ZFYVE1: variants seen among roughly 807,000 people sequenced by gnomAD.
The protein encoded by ZFYVE1 is zinc finger FYVE domain-containing protein 1.
In ZFYVE1, 30 loss-of-function variants were observed where a neutral mutation model predicts 74.4. That is an observed-to-expected ratio of 0.40 (90% CI 0.30 to 0.55). The LOEUF is 0.55. Among genes scored for constraint, ZFYVE1 ranks in the 20% least tolerant of loss-of-function variants. The pLI, the probability that ZFYVE1 is intolerant of heterozygous loss-of-function variation, is 0.42. For missense variants in ZFYVE1, 703 were observed against 1,011.6 expected (o/e 0.69, Z 4.14); for synonymous variants, 335 against 385.1 (o/e 0.87, Z 1.52).
intron 3 of ZFYVE1, among the ~76,000 whole-genome samples, chr14:72,996,785 G>C (rs921470430): frequency 6.6e-6 from 1 of 152,178 alleles, no homozygotes; most frequent in Non-Finnish European, 1.5e-5. Flanking sequence ...GCCCCAACTA[G>C]ACTGTGAGCT....
In ZFYVE1 at chr14:73,024,494, A is replaced by C. The variant is rs1421200556; in HGVS notation, c.15T>G (p.Thr5=). The part of the protein sequence containing the change: MSAQ[T]SPAEKGLNPG... ...GATTCAGGCCCTTCTCTGCTGGGGAAGTCTGGGCACTCATACTCACGCTGG... is the reference window on the plus strand; with the variant it reads ...GATTCAGGCCCTTCTCTGCTGGGGACGTCTGGGCACTCATACTCACGCTGG... Residue 5 remains threonine, a synonymous_variant, in exon 2 of 12, where the codon ACT becomes ACG. Coordinates refer to ENST00000556143, the MANE Select transcript of ZFYVE1 (RefSeq NM_021260.4). 1.2e-6 allele frequency: 2 copies of C among 1,606,276 alleles called. No individual in the cohort carries two copies. The highest frequency in any genetic ancestry group is 1.3e-5 in the African/African-American group (1 of 74,760).
chr14:73,011,431 G>C (rs1894089543), intron 2 of ZFYVE1, among the ~76,000 whole-genome samples: 1 of 152,110 alleles, frequency 6.6e-6, no homozygotes, highest in Admixed American at 6.5e-5. Flanking sequence ...AGGTTGCAGG[G>C]AGCTGAGATC....
chr14:73,023,165 A>AAAAAAAAT (rs1273528237), intron 2 of ZFYVE1, among the ~76,000 whole-genome samples: 6 of 954 alleles, frequency 6.3e-3, no homozygotes, highest in African/African-American at 0.012. Flanking sequence ...CATCTCAAAA[A>AAAAAAAAT]ATATATATAT....
At chr14:73,023,189 T>C (rs1425783494) in intron 2 of ZFYVE1, among the ~76,000 whole-genome samples, 1 of 138,794 alleles carries the variant, frequency 7.2e-6, no homozygotes. Context: ...TATATATATA[T>C]ATATTTTATA....
chr14:73,001,066 T>C (rs1893859706), intron 2 of ZFYVE1, among the ~76,000 whole-genome samples: 1 of 152,212 alleles, frequency 6.6e-6, no homozygotes, highest in Admixed American at 6.5e-5. Context: ...TCCTAAACCT[T>C]TGCTTCTTAA....
intron 2 of ZFYVE1, among the ~76,000 whole-genome samples, chr14:73,005,911 T>C (rs999107948): frequency 3.9e-5 from 6 of 152,008 alleles, no homozygotes; most frequent in Non-Finnish European, 8.8e-5. Context: ...CACCTCCTGC[T>C]AATCAAAACA....
chr14:72,983,141 A>T (rs1268061432), intron 4 of ZFYVE1, among the ~76,000 whole-genome samples: 1 of 151,864 alleles, frequency 6.6e-6, no homozygotes, highest in East Asian at 1.9e-4. Context: ...CACCATGCTC[A>T]GCTGAACAAT....
intron 2 of ZFYVE1, among the ~76,000 whole-genome samples, chr14:73,006,301 G>A (rs1893977480): frequency 6.6e-6 from 1 of 151,910 alleles, no homozygotes; most frequent in East Asian, 1.9e-4. Context: ...GAGGCTGGGC[G>A]TGGTGGCTCA....
intron 2 of ZFYVE1, among the ~76,000 whole-genome samples, chr14:73,015,393 AGGGGAAGGAAGGGGGGGGAAGGAAGG>A (rs1346943944): frequency 1.1e-3 from 2 of 1,774 alleles, no homozygotes; most frequent in African/African-American, 3.2e-3. Flanking sequence ...GGGAAGGAAG[AGGGGAAGGAAGGGGGGGGAAGGAAGG>A]GGAAGGAAGG....
At chr14:73,009,985 T>C (rs1298634213) in intron 2 of ZFYVE1, among the ~76,000 whole-genome samples, 1 of 151,994 alleles carries the variant, frequency 6.6e-6, no homozygotes, top group East Asian at 1.9e-4. Flanking sequence ...TACATGCCTG[T>C]AGTTCCAGCT....
chr14:73,025,333 T>C (rs555193017), intron 1 of ZFYVE1, among the ~76,000 whole-genome samples: 3 of 151,924 alleles, frequency 2.0e-5, no homozygotes, highest in Admixed American at 2.0e-4. Flanking sequence ...CCTCCCAAAG[T>C]GCTGGGATTA....
At chr14:72,985,434 C>T (rs147691616) in intron 4 of ZFYVE1, among the ~76,000 whole-genome samples, 10,833 of 152,176 alleles carry the variant, frequency 0.071, 529 homozygotes, top group East Asian at 0.19. Flanking sequence ...CTGGTTCAAG[C>T]GATTCTCCTG....
chr14:72,986,472 T>G (rs992114575), intron 4 of ZFYVE1, among the ~76,000 whole-genome samples: 1 of 81,974 alleles, frequency 1.2e-5, no homozygotes, highest in Non-Finnish European at 2.8e-5. Context: ...TAACAGTAAC[T>G]GTTAAAAAAA....
intron 4 of ZFYVE1, among the ~76,000 whole-genome samples, chr14:72,991,550 T>TA (rs1320781473): frequency 4.6e-5 from 7 of 152,062 alleles, no homozygotes; most frequent in Non-Finnish European, 8.8e-5. Flanking sequence ...GGAGCTGCTA[T>TA]AATCCAGCCT....
In ZFYVE1 at chr14:73,024,334, C is replaced by T. The variant is rs1364359081; in HGVS notation, c.175G>A (p.Glu59Lys). 2 of 1,614,012 alleles carry T rather than the reference C, an allele frequency of 1.2e-6. No individual in the cohort carries two copies. The highest frequency in any genetic ancestry group is 1.7e-6 in the Non-Finnish European group (2 of 1,180,030). Residue 59 changes from glutamate to lysine, a missense_variant, in exon 2 of 12, where the codon GAG becomes AAG. By Grantham distance (56) the Glu-to-Lys change is moderately conservative. Around this residue, in one of 2 missense-constraint regions of ZFYVE1, gnomAD observed 211 missense variants for 221.7 expected, o/e 0.95. Transcript: ENST00000556143. ...TGGCCAGGTTTGAGTCTTATCCGCT[C>T]ATGGTTTCTCAGGCGCTCCTGCCGA... ...LHRQERLRNH[E>K]RIRLKPGHVP...
chr14:72,996,635 C>G (rs1193609547), intron 3 of ZFYVE1, among the ~76,000 whole-genome samples: 2 of 152,156 alleles, frequency 1.3e-5, no homozygotes, highest in African/African-American at 4.8e-5. Flanking sequence ...TCTTCTTCCC[C>G]TCCTCCATCT....
chr14:72,973,481 T>C, intron 11 of ZFYVE1, among the ~76,000 whole-genome samples: 1 of 150,186 alleles, frequency 6.7e-6, no homozygotes, highest in Non-Finnish European at 1.5e-5. Context: ...AGAGTAAGAC[T>C]CCATCTCAAA....
At chr14:72,991,365 A>G (rs1893608465) in intron 4 of ZFYVE1, among the ~76,000 whole-genome samples, 1 of 151,752 alleles carries the variant, frequency 6.6e-6, no homozygotes. Flanking sequence ...AATTTTTTGT[A>G]TTTTTAGTAG....
chr14:72,984,620 T>G (rs2140354229), intron 4 of ZFYVE1, among the ~76,000 whole-genome samples: 1 of 152,020 alleles, frequency 6.6e-6, no homozygotes, highest in Admixed American at 6.6e-5. Context: ...GCAGGGCAAG[T>G]GGAATTATAA....
Sources: gnomAD v4.1 joint callset for allele counts (sites outside exome capture counted in the v4.1 genomes callset) on GRCh38, gnomAD v4.1.1 for gene constraint, gnomAD v4.1.1 regional missense constraint, MANE v1.5 for transcripts, NCBI Gene and HGNC (gene_info 2026-07-23, HGNC 2026-07-21) for gene names.